HCRTR2: variants seen among roughly 807,000 people sequenced by gnomAD.
HCRTR2 encodes the protein hypocretin receptor 2.
A neutral mutation model predicts 49.0 loss-of-function variants in HCRTR2; 22 were observed. That is an observed-to-expected ratio of 0.45 (90% CI 0.32 to 0.64). The LOEUF (loss-of-function observed/expected upper bound fraction) is 0.64. Ranked by LOEUF, HCRTR2 falls within the 30% of genes least tolerant of loss-of-function variation. The pLI is 0.04. For synonymous variants in HCRTR2, 236 were observed against 205.3 expected, an observed-to-expected ratio of 1.15 and a Z score of -1.28; for missense variants, 491 against 559.4, an observed-to-expected ratio of 0.88 and a Z score of 1.23.
intron 3 of HCRTR2, among the ~76,000 whole-genome samples, chr6:55,256,260 G>A (rs867873848): frequency 2.6e-5 from 4 of 151,918 alleles, no homozygotes; most frequent in South Asian, 2.1e-4. Context: ...TACTAAAATG[G>A]CTGATATTTA....
intron 1 of HCRTR2, among the ~76,000 whole-genome samples, chr6:55,155,365 A>G (rs953625757): frequency 6.6e-6 from 1 of 151,980 alleles, no homozygotes; most frequent in Non-Finnish European, 1.5e-5. Flanking sequence ...GAAATACCAA[A>G]TAACAAACCC....
In HCRTR2 at chr6:55,189,383, GA is replaced by G. The variant is rs201872656; in HGVS notation, c.223+14581del. ...AAGTTAAGACAATGGGATAGAATATGAAAAAAAATGAAACAAACATGAGAGG... is the reference window on the plus strand; with the variant it reads ...AAGTTAAGACAATGGGATAGAATATGAAAAAAATGAAACAAACATGAGAGG... On this transcript the variant is annotated intron_variant, in intron 1 of 6. Transcript: ENST00000370862. 4.7e-3 allele frequency among the ~76,000 whole-genome samples: 708 copies of G among 151,944 alleles called. 2 individuals are homozygous for G. The highest frequency in any genetic ancestry group is 0.016 in the African/African-American group (644 of 41,464).
At chr6:55,192,626 C>G (rs550818884) in intron 1 of HCRTR2, among the ~76,000 whole-genome samples, 8 of 152,158 alleles carry the variant, frequency 5.3e-5, no homozygotes, top group Admixed American at 1.3e-4. Flanking sequence ...GCATCTAGAT[C>G]CCAAATTTTT....
At chr6:55,228,340 T>TA (rs11384521) in intron 1 of HCRTR2, among the ~76,000 whole-genome samples, 50,210 of 151,958 alleles carry the variant, frequency 0.33, 8,839 homozygotes, top group African/African-American at 0.45. Flanking sequence ...GAAAAAAAAT[T>TA]AAATATTAAA....
chr6:55,170,815 G>A (rs28807107), upstream of HCRTR2, among the ~76,000 whole-genome samples: 5,117 of 140,628 alleles, frequency 0.036, 287 homozygotes, highest in African/African-American at 0.13. Context: ...TCCCACCTAT[G>A]AGTGAGAACA....
At chr6:55,131,632 G>A (rs1340135302) in intron 1 of HCRTR2, among the ~76,000 whole-genome samples, 9 of 151,730 alleles carry the variant, frequency 5.9e-5, no homozygotes, top group Admixed American at 1.3e-4. Context: ...AAAATTTTAA[G>A]TGGAAATAAC....
chr6:55,163,839 C>A (rs1039874187), intron 1 of HCRTR2, among the ~76,000 whole-genome samples: 23 of 152,054 alleles, frequency 1.5e-4, no homozygotes, highest in Non-Finnish European at 4.4e-5. Flanking sequence ...AGTGAACAGG[C>A]AACCTATAAA....
At chr6:55,130,978 A>G (rs1305105089) in intron 1 of HCRTR2, among the ~76,000 whole-genome samples, 2 of 151,868 alleles carry the variant, frequency 1.3e-5, no homozygotes, top group African/African-American at 4.8e-5. Context: ...AAAGAACTAG[A>G]GCTAGGTGAA....
chr6:55,216,957 T>C (rs73743300), intron 1 of HCRTR2, among the ~76,000 whole-genome samples: 21,342 of 152,192 alleles, frequency 0.14, 1,905 homozygotes, highest in Admixed American at 0.25. Flanking sequence ...AACTCTTGCA[T>C]TCTGTATCCC....
intron 6 of HCRTR2, 21 bp downstream of exon 6, chr6:55,280,465 C>A (rs757072534): frequency 1.2e-6 from 2 of 1,610,724 alleles, no homozygotes; most frequent in South Asian, 1.1e-5. Context: ...AACTGTTCTT[C>A]CATAAGCCAC....
chr6:55,229,765 G>C (rs1730581995), intron 1 of HCRTR2, among the ~76,000 whole-genome samples: 2 of 152,122 alleles, frequency 1.3e-5, no homozygotes, highest in African/African-American at 4.8e-5. Flanking sequence ...TGTCCAATGA[G>C]TATGTAGTTT....
downstream of HCRTR2, among the ~76,000 whole-genome samples, chr6:55,284,253 A>T (rs1183652165): frequency 2.0e-5 from 3 of 152,158 alleles, no homozygotes; most frequent in East Asian, 3.8e-4. Flanking sequence ...GAGAGAAGGA[A>T]AAAACTGACT....
At chr6:55,280,257 A>C in intron 5 of HCRTR2, 66 bp from the exon 6 acceptor site, 1 of 1,081,102 alleles carries the variant, frequency 9.2e-7, no homozygotes, top group Non-Finnish European at 1.4e-6. Context: ...TCCTCTACCA[A>C]TAGCCTTGTT....
intron 1 of HCRTR2, among the ~76,000 whole-genome samples, chr6:55,211,925 T>C (rs1016628312): frequency 6.6e-6 from 1 of 152,076 alleles, no homozygotes; most frequent in Non-Finnish European, 1.5e-5. Flanking sequence ...AGGGAGCCCC[T>C]GAGTATTGTC....
At chr6:55,204,523 G>A (rs998403490) in intron 1 of HCRTR2, among the ~76,000 whole-genome samples, 106 of 152,216 alleles carry the variant, frequency 7.0e-4, no homozygotes, top group Non-Finnish European at 6.5e-4. Flanking sequence ...TATTTTGTAG[G>A]TGTTGTGGTG....
intron 1 of HCRTR2, among the ~76,000 whole-genome samples, chr6:55,153,339 C>T (rs1336017734): frequency 6.6e-6 from 1 of 151,992 alleles, no homozygotes. Flanking sequence ...GTATAGCTTA[C>T]TACACACCTA....
At chr6:55,128,189 C>T (rs896665830) in intron 1 of HCRTR2, among the ~76,000 whole-genome samples, 7 of 152,116 alleles carry the variant, frequency 4.6e-5, no homozygotes, top group African/African-American at 1.7e-4. Context: ...GCCCTTTCCC[C>T]ATTGCTTGCT....
chr6:55,277,534 T>G lies in HCRTR2; in HGVS notation c.917T>G (p.Leu306Trp). 6.2e-7 allele frequency: 1 copy of G among 1,614,120 alleles called. No individual in the cohort carries two copies. The highest frequency in any genetic ancestry group is 8.5e-7 in the Non-Finnish European group (1 of 1,179,998). ...IRARRKTARMLMIVLLVFAIC... is the reference protein window; with the variant it reads ...IRARRKTARMWMIVLLVFAIC... ...GCCAGAAGGAAAACAGCCCGGATGT[T>G]GATGATTGTGCTTTTGGTATTTGCA... The change falls in exon 5 of 7, where the codon TTG becomes TGG. Residue 306 changes from leucine to tryptophan, a missense_variant. Coordinates refer to ENST00000370862, the MANE Select transcript of HCRTR2 (RefSeq NM_001384272.1).
upstream of HCRTR2, among the ~76,000 whole-genome samples, chr6:55,169,644 A>G (rs778405096): frequency 5.3e-5 from 8 of 152,132 alleles, no homozygotes; most frequent in African/African-American, 9.7e-5. Context: ...CTTCCTGCAA[A>G]GCTAATGCAT....
Sources: allele counts gnomAD v4.1 joint callset (sites outside exome capture counted in the v4.1 genomes callset), GRCh38; gene constraint gnomAD v4.1.1; transcripts MANE v1.5; gene names NCBI Gene and HGNC (gene_info 2026-07-23, HGNC 2026-07-21).